The following TOGARAM1 variants were observed in gnomAD, a reference collection of about 807,000 sequenced individuals.
TOGARAM1 encodes the protein TOG array regulator of axonemal microtubules protein 1.
TOGARAM1 carries 100 observed loss-of-function variants against 166.6 expected under a neutral mutation model. The ratio of observed to expected loss-of-function variants is 0.60; its 90% CI spans 0.51 to 0.71. The LOEUF (loss-of-function observed/expected upper bound fraction) is 0.71, where lower values mean the gene tolerates loss of function less well. Ranked by LOEUF, TOGARAM1 falls within the 30% of genes least tolerant of loss-of-function variation. The pLI is 0.00. For missense variants in TOGARAM1, 2,029 were observed against 2,102.7 expected, an observed-to-expected ratio of 0.96 and a Z score of 0.69; for synonymous variants, 758 against 763.8, an observed-to-expected ratio of 0.99 and a Z score of 0.13.
intron 1 of TOGARAM1, among the ~76,000 whole-genome samples, chr14:44,976,701 C>T (rs897855067): frequency 6.6e-6 from 1 of 151,934 alleles, no homozygotes; most frequent in Non-Finnish European, 1.5e-5. Flanking sequence ...TTTTAGCTAC[C>T]AGTCATCATG....
Position 45,046,531 on chromosome 14 carries a change from A to G in TOGARAM1, c.4155-14A>G. 7.8e-7 allele frequency: 1 copy of G among 1,275,128 alleles called. No individual in the cohort carries two copies. The allele number at this position is 1,275,128 out of a possible 1,614,324, so 79.0% of individuals were successfully genotyped here. Reference sequence around the variant, plus strand: ...TATAACAACTCTGTTTTAATTGATCATGTCTCCTTGTAGCCATTTACACAT... The same window carrying G: ...TATAACAACTCTGTTTTAATTGATCGTGTCTCCTTGTAGCCATTTACACAT... On this transcript the variant is annotated splice_polypyrimidine_tract_variant and intron_variant, in intron 13 of 19. Coordinates refer to ENST00000361462, the MANE Select transcript of TOGARAM1 (RefSeq NM_001308120.2).
In TOGARAM1 at chr14:45,046,706, G is replaced by A; in HGVS notation, c.4313+3G>A. 1.6e-6 allele frequency: 2 copies of A among 1,279,346 alleles called. No individual in the cohort carries two copies. The highest frequency in any genetic ancestry group is 6.2e-5 in the South Asian group (2 of 32,282). 79.2% of individuals were successfully genotyped at this position (1,279,346 alleles called of 1,614,324 possible). ...CAAGACAGTTCACAAGAAACCAGGT[G>A]AATATCTGCTAATGTTTGCTAAATC... On this transcript the variant is annotated splice_donor_region_variant and intron_variant, in intron 14 of 19. Coordinates refer to ENST00000361462, the MANE Select transcript of TOGARAM1 (RefSeq NM_001308120.2).
chr14:45,072,126 G>C (rs1883412186), intron 19 of TOGARAM1, among the ~76,000 whole-genome samples: 1 of 152,174 alleles, frequency 6.6e-6, no homozygotes, highest in Admixed American at 6.5e-5. Context: ...TCCAAAGTTA[G>C]CAGTTGGCAG....
chr14:45,068,491 C>A lies in TOGARAM1; in HGVS notation c.4817C>A (p.Thr1606Lys). 8 of 1,613,450 alleles carry A rather than the reference C, an allele frequency of 5.0e-6. No homozygotes were observed. Among genetic ancestry groups the A allele is most frequent in the African/African-American group, 1.3e-5 (1 of 75,026 alleles). Residue 1606 changes from threonine (T) to lysine (K), a missense_variant, in exon 18 of 20, where the codon ACA becomes AAA. Thr to Lys is a moderately conservative substitution (Grantham distance 78). Transcript: ENST00000361462. The part of the protein sequence containing the change: ...NSKVNLVALE[T>K]MHKMIPLLRD... ...AAAGTAAATCTGGTGGCTCTGGAAACAATGCACAAAATGATTCCTCTACTT... is the reference window on the plus strand; with the variant it reads ...AAAGTAAATCTGGTGGCTCTGGAAAAAATGCACAAAATGATTCCTCTACTT...
chr14:45,050,737 C>A (rs771683718), intron 14 of TOGARAM1, among the ~76,000 whole-genome samples: 1 of 151,976 alleles, frequency 6.6e-6, no homozygotes, highest in Non-Finnish European at 1.5e-5. Context: ...GCCTCAGCCT[C>A]CTGAGTTGCT....
intron 2 of TOGARAM1, among the ~76,000 whole-genome samples, chr14:44,998,877 T>A (rs1339513064): frequency 1.3e-5 from 2 of 152,108 alleles, no homozygotes; most frequent in Admixed American, 6.5e-5. Flanking sequence ...TATCTGGATA[T>A]GCTTAGAATC....
intron 1 of TOGARAM1, among the ~76,000 whole-genome samples, chr14:44,982,438 C>A (rs2138761035): frequency 6.6e-6 from 1 of 152,246 alleles, no homozygotes; most frequent in East Asian, 1.9e-4. Flanking sequence ...TACCATTTAG[C>A]TTTATTTTTC....
At chr14:45,015,461 A>G (rs966999042) in intron 7 of TOGARAM1, among the ~76,000 whole-genome samples, 4 of 151,800 alleles carry the variant, frequency 2.6e-5, no homozygotes, top group Middle Eastern at 3.4e-3. Flanking sequence ...TGCATTTAGT[A>G]TATGTTTTAT....
chr14:45,059,990 G>A (rs1012552400), intron 16 of TOGARAM1, among the ~76,000 whole-genome samples: 1 of 149,428 alleles, frequency 6.7e-6, no homozygotes, highest in Non-Finnish European at 1.5e-5. Flanking sequence ...TCGGCTCACT[G>A]CAAGCTCCGT....
intron 11 of TOGARAM1, among the ~76,000 whole-genome samples, chr14:45,039,614 G>A (rs1237319897): frequency 5.9e-5 from 9 of 152,138 alleles, no homozygotes; most frequent in Admixed American, 1.3e-4. Context: ...GTGCACACCC[G>A]GCTAGTTCCT....
chr14:44,976,245 G>A (rs185992625), intron 1 of TOGARAM1, among the ~76,000 whole-genome samples: 7 of 152,046 alleles, frequency 4.6e-5, no homozygotes, highest in South Asian at 2.1e-4. Flanking sequence ...ATCCTTATTC[G>A]TTGCCTATCT....
At chr14:45,045,057 C>T (rs1350542634) in intron 13 of TOGARAM1, among the ~76,000 whole-genome samples, 187 bp downstream of exon 13, 2 of 152,094 alleles carry the variant, frequency 1.3e-5, no homozygotes, top group Non-Finnish European at 2.9e-5. Context: ...TTATTTTTCT[C>T]ATAGAATATG....
chr14:44,999,395 G>A lies in TOGARAM1; in HGVS notation c.2236G>A (p.Gly746Arg), dbSNP rs774886124. 6.2e-7 allele frequency: 1 copy of A among 1,609,440 alleles called. No homozygotes were observed. The part of the protein sequence containing the change: ...TTGTHQTNLS[G>R]KCAQLGFSQI... ...TGGGACTCATCAAACAAATCTTTCT[G>A]GGAAATGTGCACAACTTGGATTTTC... The change falls in exon 3 of 20, where the codon GGG becomes AGG. Residue 746 changes from glycine (G) to arginine (R), a missense_variant. Physicochemically the swap from Gly to Arg is moderately radical, Grantham distance 125. Around this residue, in one of 2 missense-constraint regions of TOGARAM1, gnomAD observed 1,453 missense variants for 1,432.2 expected, o/e 1.01. Transcript: ENST00000361462.
At chr14:44,979,454 G>T (rs1345067704) in intron 1 of TOGARAM1, among the ~76,000 whole-genome samples, 1 of 152,078 alleles carries the variant, frequency 6.6e-6, no homozygotes, top group Admixed American at 6.6e-5. Context: ...CTTGAGGGTG[G>T]AGCCCTCATG....
intron 14 of TOGARAM1, among the ~76,000 whole-genome samples, chr14:45,050,451 C>T (rs1457162046): frequency 1.3e-5 from 2 of 151,338 alleles, no homozygotes. Context: ...TGGGGTGTTG[C>T]CATGTTGCTG....
intron 19 of TOGARAM1, among the ~76,000 whole-genome samples, 161 bp downstream of exon 19, chr14:45,071,959 C>A (rs540827322): frequency 2.0e-5 from 3 of 152,256 alleles, no homozygotes; most frequent in South Asian, 2.1e-4. Context: ...AAGACTTTTA[C>A]CCCATACATT....
intron 16 of TOGARAM1, among the ~76,000 whole-genome samples, chr14:45,062,451 G>A (rs1566673417): frequency 6.6e-6 from 1 of 152,064 alleles, no homozygotes; most frequent in African/African-American, 2.4e-5. Flanking sequence ...GATTTGCATG[G>A]TATGTCTTTC....
rs189062106 is a variant in TOGARAM1 at position 45,041,531 on chromosome 14, C to T, written c.3813-2155C>T. Among the ~76,000 whole-genome samples the T allele has an allele frequency of 1.9e-3, 282 of 152,308 alleles. 2 individuals are homozygous for T. The highest frequency in any genetic ancestry group is 6.4e-3 in the African/African-American group (265 of 41,578). On this transcript the variant is annotated intron_variant, in intron 11 of 19. Transcript: ENST00000361462. ...TTGAATAAGATGGAGTTCTTCTCAT[C>T]TCATTGATTGAGGCTACCATTACTC...
rs145239531 is a variant in TOGARAM1, at chr14:45,061,954, A to G, written c.4560-4624A>G. On this transcript the variant is annotated intron_variant, in intron 16 of 19. Transcript: ENST00000361462. ...GAGATTTTCTAAATATCGTTTTGTT[A>G]ATGATTTTAAATTTAGTTCTGCTCT... Among the ~76,000 whole-genome samples the G allele has an allele frequency of 5.8e-3, 881 of 152,208 alleles. 4 individuals carry two copies. Among genetic ancestry groups the G allele is most frequent in the Non-Finnish European group, 7.8e-3 (533 of 67,964 alleles).
Sources: allele counts gnomAD v4.1 joint callset (sites outside exome capture counted in the v4.1 genomes callset), GRCh38; gene constraint gnomAD v4.1.1; regional missense constraint gnomAD v4.1.1; transcripts MANE v1.5; gene names NCBI Gene and HGNC (gene_info 2026-07-23, HGNC 2026-07-21).